ZNF783: variants seen among roughly 807,000 people sequenced by gnomAD.
The protein encoded by ZNF783 is protein ZNF783.
A neutral mutation model predicts 31.3 loss-of-function variants in ZNF783; 25 were observed. The observed-to-expected ratio is 0.80, with a 90% CI of 0.58 to 1.11. ZNF783 has a LOEUF of 1.11. ZNF783 is among the 50% of genes most tolerant of loss of function. ZNF783 has a pLI of 0.00. For synonymous variants in ZNF783, 369 were observed against 319.1 expected (o/e 1.16, Z -1.66); for missense variants, 797 against 760.0 (o/e 1.05, Z -0.57).
At chr7:149,280,769 C>T (rs747894521) in intron 5 of ZNF783, among the ~76,000 whole-genome samples, 3 of 152,222 alleles carry the variant, frequency 2.0e-5, no homozygotes, top group African/African-American at 7.2e-5. Flanking sequence ...ACATTAGGGA[C>T]CCCTGAGAGC....
At chr7:149,269,262 T>C (rs1797156556) in intron 4 of ZNF783, among the ~76,000 whole-genome samples, 1 of 152,244 alleles carries the variant, frequency 6.6e-6, no homozygotes, top group African/African-American at 2.4e-5. Context: ...TGTCTGTTCA[T>C]GTCCTTTGCC....
At chr7:149,265,205 C>T (rs1263000810) in intron 1 of ZNF783, among the ~76,000 whole-genome samples, 1 of 152,206 alleles carries the variant, frequency 6.6e-6, no homozygotes, top group Non-Finnish European at 1.5e-5. Flanking sequence ...TGATTTGTCT[C>T]TCCAACAAGG....
chr7:149,280,537 C>T lies in ZNF783; in HGVS notation c.803-968C>T, dbSNP rs1237287008. Among the ~76,000 whole-genome samples, 5 of 152,282 alleles carry T rather than the reference C, an allele frequency of 3.3e-5. No individual in the cohort carries two copies. In the East Asian group the frequency reaches 5.8e-4, roughly 18 times the overall value. On this transcript the variant is annotated intron_variant, in intron 5 of 5. Coordinates refer to ENST00000434415, the MANE Select transcript of ZNF783 (RefSeq NM_001195220.2). ...TGGGGACCCAGATCAGTCTGGGGTC[C>T]TTCCTGGTCTTTCCCCATCGTGGTC...
intron 4 of ZNF783, among the ~76,000 whole-genome samples, chr7:149,273,127 AC>A (rs140758571): frequency 0.045 from 6,894 of 152,196 alleles, 220 homozygotes; most frequent in Non-Finnish European, 0.071. Context: ...TATATGTACC[AC>A]CTTTTCTCTG....
chr7:149,282,210 T>C lies in ZNF783; in HGVS notation c.1508T>C (p.Phe503Ser). ...PYQCPQCGRT[F>S]NRNHHLAVHM... ...CAGTGCCCCCAGTGTGGCCGGACCT[T>C]CAACCGCAACCACCACCTGGCCGTG... The change falls in exon 6 of 6, where the codon TTC (phenylalanine) becomes TCC (serine). Residue 503 changes from phenylalanine (F) to serine (S), a missense_variant. By Grantham distance (155) the Phe-to-Ser change is radical. Transcript: ENST00000434415. 6.3e-7 allele frequency: 1 copy of C among 1,599,076 alleles called. No homozygotes were observed. The highest frequency in any genetic ancestry group is 8.5e-7 in the Non-Finnish European group (1 of 1,179,250).
At position 149,266,825 on chromosome 7, in the gene ZNF783, G is replaced by C; in HGVS notation, c.427G>C (p.Val143Leu). The change falls in exon 3 of 6, where the codon GTG becomes CTG. Residue 143 changes from valine (V) to leucine (L), a missense_variant. By Grantham distance (32) the Val-to-Leu change is conservative (BLOSUM62 1). Coordinates refer to ENST00000434415, the MANE Select transcript of ZNF783 (RefSeq NM_001195220.2). ...GSKGEAPKVP[V>L]TFDDVAVYFS... ...GCGACACTTATGGTTCCAGGTGCCC[G>C]TGACCTTCGATGATGTGGCCGTGTA... The C allele has an allele frequency of 6.2e-7, 1 of 1,614,020 alleles. No homozygotes were observed. The highest frequency in any genetic ancestry group is 8.5e-7 in the Non-Finnish European group (1 of 1,180,024).
chr7:149,266,785 TGTGG>T (rs1170559545), intron 2 of ZNF783, 30 bp from the exon 3 acceptor site: 1 of 1,613,540 alleles, frequency 6.2e-7, no homozygotes, highest in African/African-American at 1.3e-5. Context: ...CCTGTGAGCG[TGTGG>T]GTGAGTGAGT....
chr7:149,278,223 G>A, intron 4 of ZNF783, 176 bp from the exon 5 acceptor site: 1 of 1,414,762 alleles, frequency 7.1e-7, no homozygotes, highest in Non-Finnish European at 9.2e-7. Context: ...GGGACATGAG[G>A]CTTTAGACTG....
In ZNF783 at chr7:149,263,302, GTGTATATATA is replaced by G. The variant is rs1386188291; in HGVS notation, c.24+947_24+956del. The stretch of plus-strand genomic sequence containing the variant: ...TGTGTGTGTGTGTGTGTGTGTGTGT[GTGTATATATA>G]TATATATATATATTTTTTTTTTAGA... On this transcript the variant is annotated intron_variant, in intron 1 of 5. Coordinates refer to ENST00000434415, the MANE Select transcript of ZNF783 (RefSeq NM_001195220.2). 3.9e-3 allele frequency among the ~76,000 whole-genome samples: 242 copies of G among 62,782 alleles called. 1 individual carries two copies. Among genetic ancestry groups the G allele is most frequent in the African/African-American group, 9.8e-3 (177 of 18,120 alleles). 41.2% of individuals were successfully genotyped at this position (62,782 alleles called of 152,430 possible).
chr7:149,278,267 C>G (rs941332958), intron 4 of ZNF783, 132 bp from the exon 5 acceptor site: 48 of 1,468,838 alleles, frequency 3.3e-5, no homozygotes, highest in Non-Finnish European at 4.1e-5. Flanking sequence ...TGGGGTCCAC[C>G]TCACTATCAT....
chr7:149,281,791 T>C lies in ZNF783; in HGVS notation c.1089T>C (p.Asn363=). 2 of 1,515,652 alleles carry C rather than the reference T, an allele frequency of 1.3e-6. No individual in the cohort carries two copies. Among genetic ancestry groups the C allele is most frequent in the South Asian group, 2.6e-5 (2 of 78,120 alleles). 93.9% of individuals were successfully genotyped at this position (1,515,652 alleles called of 1,614,324 possible). A position where few individuals can be genotyped will look rare whatever the true frequency, so the allele number is the denominator to read the frequency against. Residue 363 remains asparagine (N), a synonymous_variant, in exon 6 of 6, where the codon AAT becomes AAC. Coordinates refer to ENST00000434415, the MANE Select transcript of ZNF783 (RefSeq NM_001195220.2). ...DCGQSFRLKI[N]LTIHQRTHVE... ...GGCAGAGCTTCCGCCTGAAGATCAA[T>C]CTGACGATTCATCAGCGGACCCATG...
chr7:149,264,395 C>T (rs928923685), intron 1 of ZNF783, among the ~76,000 whole-genome samples: 1 of 152,016 alleles, frequency 6.6e-6, no homozygotes, highest in Non-Finnish European at 1.5e-5. Context: ...GGAGGAGGGC[C>T]GGGTGGGTCC....
At chr7:149,267,060 G>T in intron 3 of ZNF783, 37 bp from the exon 4 acceptor site, 1 of 1,606,384 alleles carries the variant, frequency 6.2e-7, no homozygotes, top group South Asian at 1.1e-5. Flanking sequence ...TGGGCATGTG[G>T]GGTCCAGCTC....
chr7:149,265,773 T>C (rs2129524754), intron 1 of ZNF783, among the ~76,000 whole-genome samples: 1 of 152,366 alleles, frequency 6.6e-6, no homozygotes, highest in East Asian at 1.9e-4. Flanking sequence ...AAGTGCTTTG[T>C]ACACAGATTT....
At chr7:149,268,984 A>G (rs1797150805) in intron 4 of ZNF783, among the ~76,000 whole-genome samples, 1 of 152,234 alleles carries the variant, frequency 6.6e-6, no homozygotes, top group Non-Finnish European at 1.5e-5. Context: ...TGCTGGGTCA[A>G]ATGGTAGTTC....
Position 149,282,343 on chromosome 7 carries a change from A to G in ZNF783, c.1641A>G (p.Ter547TrpextTer40). 2 of 1,503,878 alleles carry G rather than the reference A, an allele frequency of 1.3e-6. No homozygotes were observed. The highest frequency in any genetic ancestry group is 8.8e-7 in the Non-Finnish European group (1 of 1,132,942). 93.2% of individuals were successfully genotyped at this position (1,503,878 alleles called of 1,614,324 possible). ...GGCCCAGCCGGAAGGAGGAGGGCTG[A>G]CCTGGCAGGAGCCCACAGAGGACCC... ...LPWPSRKEEG[*>W] Residue 547 changes from the stop codon to tryptophan, a stop_lost, in exon 6 of 6, where the codon TGA becomes TGG. Transcript: ENST00000434415.
Position 149,262,286 on chromosome 7 carries a change from G to A in ZNF783, c.-48G>A. 6 of 1,339,516 alleles carry A rather than the reference G, an allele frequency of 4.5e-6. No homozygotes were observed. Among genetic ancestry groups the A allele is most frequent in the Non-Finnish European group, 5.8e-6 (6 of 1,042,684 alleles). 83.0% of individuals were successfully genotyped at this position (1,339,516 alleles called of 1,614,324 possible). ...GTCGCTGCCGCGCCGCCCCGGGCCC[G>A]ACAGGCCGGGTCCAGGGACTGCAAC... On this transcript the variant is annotated 5_prime_UTR_variant, in exon 1 of 6. Coordinates refer to ENST00000434415, the MANE Select transcript of ZNF783 (RefSeq NM_001195220.2).
rs1797086606 is a variant in ZNF783 at position 149,266,878 on chromosome 7, G to A, written c.480G>A (p.Leu160=). Residue 160 remains leucine, a synonymous_variant, in exon 3 of 6, where the codon CTG becomes CTA. Transcript: ENST00000434415. ...TCTCTGAGCTGGAGTGGGGCAAGCT[G>A]GAGGACTGGCAGAAGGAGCTCTACA... is the stretch of plus-strand genomic sequence containing the variant. ...VYFSELEWGK[L]EDWQKELYKH... is the part of the protein sequence containing the mutation. The A allele has an allele frequency of 3.1e-6, 5 of 1,614,120 alleles. No individual in the cohort carries two copies. Among genetic ancestry groups the A allele is most frequent in the African/African-American group, 1.3e-5 (1 of 75,014 alleles).
chr7:149,263,113 G>C (rs952164167), intron 1 of ZNF783, among the ~76,000 whole-genome samples: 1 of 151,618 alleles, frequency 6.6e-6, no homozygotes, highest in African/African-American at 2.4e-5. Context: ...ATTTTTGGTA[G>C]AGACTGGGTT....
Sources: gnomAD v4.1 joint callset for allele counts (sites outside exome capture counted in the v4.1 genomes callset) on GRCh38, gnomAD v4.1.1 for gene constraint, MANE v1.5 for transcripts, NCBI Gene and HGNC (gene_info 2026-07-23, HGNC 2026-07-21) for gene names.